SLC27A1: variants seen among roughly 807,000 people sequenced by gnomAD.
SLC27A1 encodes the protein solute carrier family 27 member 1.
In SLC27A1, 61 loss-of-function variants were observed where a neutral mutation model predicts 62.2. The observed-to-expected ratio is 0.98, with a 90% CI of 0.80 to 1.21. The LOEUF (loss-of-function observed/expected upper bound fraction) is 1.21, where lower values mean the gene tolerates loss of function less well. Ranked by LOEUF, SLC27A1 falls within the 50% of genes most tolerant of loss-of-function variation. SLC27A1 has a pLI of 0.00. For synonymous variants in SLC27A1, 435 were observed against 408.6 expected, an observed-to-expected ratio of 1.06 and a Z score of -0.78; for missense variants, 903 against 932.1, an observed-to-expected ratio of 0.97 and a Z score of 0.41.
intron 1 of SLC27A1, among the ~76,000 whole-genome samples, chr19:17,475,661 C>T (rs2144545626): frequency 6.6e-6 from 1 of 152,342 alleles, no homozygotes; most frequent in South Asian, 2.1e-4. Flanking sequence ...GTGCTCTTAG[C>T]CACTGTGCCG....
At chr19:17,483,497 C>A (rs929868245) in intron 1 of SLC27A1, among the ~76,000 whole-genome samples, 1 of 152,090 alleles carries the variant, frequency 6.6e-6, no homozygotes, top group South Asian at 2.1e-4. Context: ...AGGAGTTCAG[C>A]AGCCTGCTCA....
rs770695357 is a variant in SLC27A1 at position 17,487,571 on chromosome 19, GA to G, written c.794+43del. The G allele has an allele frequency of 1.4e-5, 23 of 1,590,798 alleles. No homozygotes were observed. The East Asian group carries it at 5.0e-4, about 34-fold the overall frequency. ...CATAATGCCCTCAGCCGCTGAGAGTGACCCAGGCTATCTTGCCAGCCTGACC... is the reference window on the plus strand; with the variant it reads ...CATAATGCCCTCAGCCGCTGAGAGTGCCCAGGCTATCTTGCCAGCCTGACC... On this transcript the variant is annotated intron_variant, in intron 4 of 11. Transcript: ENST00000252595.
intron 1 of SLC27A1, 110 bp downstream of exon 1, chr19:17,470,817 G>C: frequency 1.0e-6 from 1 of 965,454 alleles, no homozygotes; most frequent in South Asian, 2.3e-5. Flanking sequence ...GAGAGCTGAG[G>C]GTGCTTTGTA....
At position 17,499,810 on chromosome 19, in the gene SLC27A1, A is replaced by T. The variant is rs140584872; in HGVS notation, c.1207-468A>T. On this transcript the variant is annotated intron_variant, in intron 7 of 11. Transcript: ENST00000252595. ...CCTAGGCGACAGAGTAAGACTCTAT[A>T]AAAAAAGGAAGGAAGGAAGGAAGGG... 5.5e-3 allele frequency: 882 copies of T among 160,736 alleles called. 7 individuals carry two copies. Among genetic ancestry groups the T allele is most frequent in the African/African-American group, 0.019 (810 of 41,594 alleles). The allele number at this position is 160,736 out of a possible 1,614,324, so 10.0% of individuals were successfully genotyped here.
At chr19:17,497,029 C>A (rs2075356717) in intron 6 of SLC27A1, 1 of 468,684 alleles carries the variant, frequency 2.1e-6, no homozygotes, top group Non-Finnish European at 3.6e-6. Context: ...AACCAAAAAA[C>A]AACAAAAAAA....
chr19:17,481,368 G>A (rs1275619368), intron 1 of SLC27A1, among the ~76,000 whole-genome samples: 12 of 146,214 alleles, frequency 8.2e-5, no homozygotes, highest in Non-Finnish European at 1.5e-4. Flanking sequence ...CCAGGCTGGA[G>A]TGCAGTGGCG....
intron 11 of SLC27A1, 74 bp from the exon 12 acceptor site, chr19:17,504,381 A>G: frequency 2.6e-6 from 4 of 1,564,590 alleles, no homozygotes; most frequent in Non-Finnish European, 3.5e-6. Flanking sequence ...CCAGAGGTGC[A>G]GGAGAGGATA....
rs1199974955 is a variant in SLC27A1, at chr19:17,470,648, G to C, written c.108G>C (p.Val36=). 1 of 1,578,768 alleles carries C rather than the reference G, an allele frequency of 6.3e-7. No homozygotes were observed. Among genetic ancestry groups the C allele is most frequent in the Non-Finnish European group, 8.6e-7 (1 of 1,169,248 alleles). ...WSAAAALGVY[V]GSGGWRFLRI... ...CGGCAGCGGCGCTCGGCGTGTACGT[G>C]GGCAGCGGCGGCTGGCGCTTCCTGC... The change falls in exon 1 of 12, where the codon GTG becomes GTC. Residue 36 remains valine, a synonymous_variant. Coordinates refer to ENST00000252595, the MANE Select transcript of SLC27A1 (RefSeq NM_198580.3).
Position 17,488,879 on chromosome 19 carries a change from G to A in SLC27A1, c.826G>A (p.Ala276Thr), listed in dbSNP as rs2075265104. Reference sequence around the variant, plus strand: ...CCGCATGGCAGCCTTCGGCCACCACGCCTACCGCATGCAGGCGGCTGACGT... The same window carrying A: ...CCGCATGGCAGCCTTCGGCCACCACACCTACCGCATGCAGGCGGCTGACGT... ...YYRMAAFGHHAYRMQAADVLY... is the reference protein window; with the variant it reads ...YYRMAAFGHHTYRMQAADVLY... The change falls in exon 5 of 12, where the codon GCC (alanine) becomes ACC (threonine). Residue 276 changes from alanine to threonine, a missense_variant. Transcript: ENST00000252595. 1 of 1,613,950 alleles carries A rather than the reference G, an allele frequency of 6.2e-7. No individual in the cohort carries two copies. Among genetic ancestry groups the A allele is most frequent in the Non-Finnish European group, 8.5e-7 (1 of 1,179,960 alleles).
intron 11 of SLC27A1, among the ~76,000 whole-genome samples, chr19:17,501,862 C>A (rs11671932): frequency 0.82 from 122,018 of 148,856 alleles, 50,898 homozygotes; most frequent in Non-Finnish European, 0.89. Context: ...CTGTAATCTC[C>A]GCACTTTGGG....
chr19:17,491,395 C>G (rs1291272579), intron 6 of SLC27A1, among the ~76,000 whole-genome samples: 2 of 151,898 alleles, frequency 1.3e-5, no homozygotes, highest in Non-Finnish European at 2.9e-5. Flanking sequence ...CATTTCAGAT[C>G]AATGGAGTCA....
Position 17,500,838 on chromosome 19 carries a change from G to A in SLC27A1, c.1598G>A (p.Gly533Asp), listed in dbSNP as rs2075404019. Reference sequence around the variant, plus strand: ...GAGGGCGTGCTGAGCCGCCTGCTGGGCCAGACAGACGTGGCCGTCTATGGG... The same window carrying A: ...GAGGGCGTGCTGAGCCGCCTGCTGGACCAGACAGACGTGGCCGTCTATGGG... ...EVEGVLSRLL[G>D]QTDVAVYGVA... Residue 533 changes from glycine to aspartate, a missense_variant, in exon 10 of 12, where the codon GGC becomes GAC. Gly to Asp is a moderately conservative substitution (Grantham distance 94). Transcript: ENST00000252595. The A allele has an allele frequency of 6.2e-7, 1 of 1,610,942 alleles. No homozygotes were observed. Among genetic ancestry groups the A allele is most frequent in the African/African-American group, 1.3e-5 (1 of 74,806 alleles).
intron 2 of SLC27A1, 44 bp downstream of exon 2, chr19:17,487,001 G>T: frequency 6.5e-7 from 1 of 1,540,386 alleles, no homozygotes; most frequent in Non-Finnish European, 8.7e-7. Context: ...ACCCAGGACT[G>T]GCCCCTGGGC....
chr19:17,487,643 A>G, intron 4 of SLC27A1, 114 bp downstream of exon 4: 2 of 1,072,924 alleles, frequency 1.9e-6, no homozygotes, highest in Non-Finnish European at 2.7e-6. Context: ...CTGGGGACAG[A>G]GAGGGCAGCT....
At position 17,485,059 on chromosome 19, in the gene SLC27A1, G is replaced by A. The variant is rs550896198; in HGVS notation, c.168-1504G>A. Reference sequence around the variant, plus strand: ...GTTATTGGTTCCCAGAGCCAGGGGCGCAGGGTGGTGGGGCAGGGAGCCAGG... The same window carrying A: ...GTTATTGGTTCCCAGAGCCAGGGGCACAGGGTGGTGGGGCAGGGAGCCAGG... On this transcript the variant is annotated intron_variant, in intron 1 of 11. Coordinates refer to ENST00000252595, the MANE Select transcript of SLC27A1 (RefSeq NM_198580.3). Among the ~76,000 whole-genome samples the A allele has an allele frequency of 6.6e-5, 10 of 152,222 alleles. 1 individual carries two copies. In the East Asian group the frequency reaches 7.7e-4, roughly 12 times the overall value.
At chr19:17,480,836 T>G (rs2075170171) in intron 1 of SLC27A1, among the ~76,000 whole-genome samples, 2 of 152,054 alleles carry the variant, frequency 1.3e-5, no homozygotes, top group South Asian at 4.1e-4. Context: ...CTGCCCCTTA[T>G]GGAGTTCCCA....
upstream of SLC27A1, chr19:17,470,481 A>AGCGGGTCGTGGGGCGGG: frequency 7.3e-7 from 1 of 1,374,554 alleles, no homozygotes; most frequent in Non-Finnish European, 9.3e-7. Context: ...CGTGGGGCGG[A>AGCGGGTCGTGGGGCGGG]GCGGGTCGTG....
At position 17,500,963 on chromosome 19, in the gene SLC27A1, G is replaced by A. The variant is rs930711878; in HGVS notation, c.1636+87G>A. ...GGCTTAGAAGTACACATGCCTTTGGGCAGTGCACAACCTGGACAACTGCTC... is the reference window on the plus strand; with the variant it reads ...GGCTTAGAAGTACACATGCCTTTGGACAGTGCACAACCTGGACAACTGCTC... On this transcript the variant is annotated intron_variant, in intron 10 of 11. Transcript: ENST00000252595. 39 of 1,400,420 alleles carry A rather than the reference G, an allele frequency of 2.8e-5. No homozygotes were observed. In the Admixed American group the frequency reaches 7.2e-4, roughly 26 times the overall value. 86.7% of individuals were successfully genotyped at this position (1,400,420 alleles called of 1,614,324 possible).
At chr19:17,503,790 C>T (rs975263138) in intron 11 of SLC27A1, among the ~76,000 whole-genome samples, 5 of 151,754 alleles carry the variant, frequency 3.3e-5, no homozygotes, top group South Asian at 2.1e-4. Flanking sequence ...AAATTAGCCA[C>T]GTGTGGTGGT....
Sources: gnomAD v4.1 joint callset for allele counts (sites outside exome capture counted in the v4.1 genomes callset) on GRCh38, gnomAD v4.1.1 for gene constraint, MANE v1.5 for transcripts, NCBI Gene and HGNC (gene_info 2026-07-23, HGNC 2026-07-21) for gene names.